GMDS: variants seen among roughly 807,000 people sequenced by gnomAD.
GMDS encodes the protein GDP-mannose 4,6 dehydratase.
In GMDS, 20 loss-of-function variants were observed where a neutral mutation model predicts 49.9. The observed-to-expected ratio is 0.40, with a 90% CI of 0.28 to 0.58. The LOEUF is 0.58. Among genes scored for constraint, GMDS ranks in the 20% least tolerant of loss-of-function variants. The probability of loss-of-function intolerance (pLI) is 0.42; values close to 1 mark genes in which losing one functional copy is unlikely to be tolerated. For missense variants in GMDS, 362 were observed against 481.4 expected (o/e 0.75, Z 2.32); for synonymous variants, 177 against 178.6 (o/e 0.99, Z 0.07).
chr6:1,831,491 A>T (rs1443157908), intron 7 of GMDS, among the ~76,000 whole-genome samples: 2 of 152,218 alleles, frequency 1.3e-5, no homozygotes, highest in East Asian at 1.9e-4. Context: ...GGGACTAAAG[A>T]AGAGCACTCA....
At chr6:1,684,985 C>T (rs912857175) in intron 9 of GMDS, among the ~76,000 whole-genome samples, 1 of 151,408 alleles carries the variant, frequency 6.6e-6, no homozygotes, top group African/African-American at 2.4e-5. Flanking sequence ...CCTTCAAATA[C>T]TATGACACAA....
chr6:2,135,979 G>A (rs1395805728), intron 1 of GMDS, among the ~76,000 whole-genome samples: 1 of 152,116 alleles, frequency 6.6e-6, no homozygotes. Flanking sequence ...CTAGGTAGTA[G>A]AGCCAACTAC....
intron 9 of GMDS, among the ~76,000 whole-genome samples, chr6:1,697,337 G>C (rs1765379263): frequency 6.6e-6 from 1 of 152,128 alleles, no homozygotes; most frequent in African/African-American, 2.4e-5. Flanking sequence ...TGGGAAGTTG[G>C]ATCAATAGTG....
chr6:2,090,952 T>C (rs559696079), intron 4 of GMDS, among the ~76,000 whole-genome samples: 1 of 152,236 alleles, frequency 6.6e-6, no homozygotes, highest in Admixed American at 6.5e-5. Context: ...GCACACTTTA[T>C]GTACTGTATC....
intron 1 of GMDS, among the ~76,000 whole-genome samples, chr6:2,134,782 A>G (rs1309589886): frequency 1.3e-5 from 2 of 152,234 alleles, no homozygotes; most frequent in Admixed American, 1.3e-4. Flanking sequence ...TAGTTAAGCT[A>G]TCAACTTTCT....
At chr6:1,951,880 A>G (rs1763356241) in intron 6 of GMDS, 2 of 985,130 alleles carry the variant, frequency 2.0e-6, no homozygotes, top group Non-Finnish European at 2.4e-6. Context: ...TTTTACAAAG[A>G]TAAGAGCAGC....
intron 4 of GMDS, among the ~76,000 whole-genome samples, chr6:2,009,602 T>A (rs1767421548): frequency 6.6e-6 from 1 of 152,152 alleles, no homozygotes; most frequent in South Asian, 2.1e-4. Context: ...CCTTGGTTCG[T>A]TTAAAGCAGC....
chr6:2,170,003 C>T (rs974444624), intron 1 of GMDS, among the ~76,000 whole-genome samples: 6 of 152,080 alleles, frequency 3.9e-5, no homozygotes, highest in Non-Finnish European at 5.9e-5. Context: ...CGGGAGTTCA[C>T]GACCAGCCTG....
intron 4 of GMDS, among the ~76,000 whole-genome samples, chr6:1,995,012 C>A (rs1156776560): frequency 3.3e-5 from 5 of 152,162 alleles, no homozygotes; most frequent in African/African-American, 1.2e-4. Flanking sequence ...CAAAAATAAT[C>A]CATGCTTAGT....
intron 7 of GMDS, among the ~76,000 whole-genome samples, chr6:1,911,626 C>A (rs949871666): frequency 4.0e-5 from 6 of 151,638 alleles, no homozygotes; most frequent in Non-Finnish European, 8.8e-5. Flanking sequence ...GCCTTCCACG[C>A]TGCATGGGCT....
At chr6:1,885,569 A>G (rs1213507516) in intron 7 of GMDS, among the ~76,000 whole-genome samples, 1 of 152,202 alleles carries the variant, frequency 6.6e-6, no homozygotes, top group Non-Finnish European at 1.5e-5. Context: ...TTTAGTTTAT[A>G]AAGATCACAG....
At chr6:2,178,951 T>C (rs1046365393) in intron 1 of GMDS, among the ~76,000 whole-genome samples, 9 of 152,324 alleles carry the variant, frequency 5.9e-5, no homozygotes, top group African/African-American at 2.2e-4. Context: ...ACAGAATAAT[T>C]TGAAATCTCT....
At chr6:1,893,345 C>G (rs1759974692) in intron 7 of GMDS, among the ~76,000 whole-genome samples, 1 of 152,082 alleles carries the variant, frequency 6.6e-6, no homozygotes, top group Admixed American at 6.5e-5. Flanking sequence ...AGGTGCCCAC[C>G]ACCATGCCCA....
intron 7 of GMDS, among the ~76,000 whole-genome samples, chr6:1,759,035 G>C (rs554964350): frequency 6.6e-6 from 1 of 152,098 alleles, no homozygotes; most frequent in East Asian, 1.9e-4. Context: ...TGATTCTCAC[G>C]CCTCAGCCTC....
chr6:1,869,113 A>G (rs954591558), intron 7 of GMDS, among the ~76,000 whole-genome samples: 8 of 152,250 alleles, frequency 5.3e-5, no homozygotes, highest in African/African-American at 1.9e-4. Flanking sequence ...AGGCAACTGC[A>G]GCAGGAAAAG....
At chr6:2,075,244 C>T (rs628441) in intron 4 of GMDS, among the ~76,000 whole-genome samples, 8,049 of 151,710 alleles carry the variant, frequency 0.053, 721 homozygotes, top group African/African-American at 0.18. Context: ...CATGTTAATG[C>T]TATAAATTTT....
intron 7 of GMDS, among the ~76,000 whole-genome samples, chr6:1,903,291 G>C (rs1245069797): frequency 1.3e-5 from 2 of 152,158 alleles, no homozygotes; most frequent in Non-Finnish European, 2.9e-5. Flanking sequence ...ACACTTTCTT[G>C]TTTCCTACTT....
intron 7 of GMDS, among the ~76,000 whole-genome samples, chr6:1,861,670 G>A (rs1435774147): frequency 6.6e-6 from 1 of 152,050 alleles, no homozygotes; most frequent in East Asian, 1.9e-4. Context: ...TATCCCATAG[G>A]TTACAGGGAA....
At chr6:2,054,564 T>G (rs1770671532) in intron 4 of GMDS, among the ~76,000 whole-genome samples, 1 of 152,012 alleles carries the variant, frequency 6.6e-6, no homozygotes, top group African/African-American at 2.4e-5. Flanking sequence ...AGGTTGGCAA[T>G]AACAGTGAAT....
Sources: gnomAD v4.1 joint callset for allele counts (sites outside exome capture counted in the v4.1 genomes callset) on GRCh38, gnomAD v4.1.1 for gene constraint, MANE v1.5 for transcripts, NCBI Gene and HGNC (gene_info 2026-07-23, HGNC 2026-07-21) for gene names.